The following SYNE2 variants were observed in gnomAD, a reference collection of about 807,000 sequenced individuals.
SYNE2 encodes nesprin-2.
In SYNE2, 431 loss-of-function variants were observed where a neutral mutation model predicts 856.3. That is an observed-to-expected ratio of 0.50 (90% CI 0.47 to 0.55). SYNE2 has a LOEUF of 0.55. Among genes scored for constraint, SYNE2 ranks in the 20% least tolerant of loss-of-function variants. The probability of loss-of-function intolerance (pLI) is 0.00; values close to 1 mark genes in which losing one functional copy is unlikely to be tolerated. For missense variants in SYNE2, 8,129 were observed against 8,023.2 expected (o/e 1.01, Z -0.50); for synonymous variants, 2,923 against 2,872.3 (o/e 1.02, Z -0.56).
At chr14:64,150,109 T>C (rs1417428541) in intron 84 of SYNE2, among the ~76,000 whole-genome samples, 3 of 144,390 alleles carry the variant, frequency 2.1e-5, no homozygotes, top group African/African-American at 7.7e-5. Context: ...GCTCCTAGGC[T>C]TAAGAGATCC....
chr14:63,940,731 C>A, intron 3 of SYNE2, 56 bp downstream of exon 3: 1 of 1,531,034 alleles, frequency 6.5e-7, no homozygotes, highest in Non-Finnish European at 9.0e-7. Context: ...CCCCCTACTC[C>A]TTCTGTTTTG....
At chr14:64,141,737 G>A (rs1053343448) in intron 81 of SYNE2, among the ~76,000 whole-genome samples, 1 of 151,956 alleles carries the variant, frequency 6.6e-6, no homozygotes, top group Non-Finnish European at 1.5e-5. Flanking sequence ...GTTTATCTTT[G>A]CCACTGTGTT....
At chr14:63,814,996 C>G (rs1472238222) in intron 1 of SYNE2, among the ~76,000 whole-genome samples, 5 of 96,746 alleles carry the variant, frequency 5.2e-5, no homozygotes, top group African/African-American at 1.7e-4. Context: ...ATATATACAT[C>G]CATATATATC....
chr14:64,005,841 CAA>C (rs1567032032), intron 30 of SYNE2, among the ~76,000 whole-genome samples: 1 of 152,044 alleles, frequency 6.6e-6, no homozygotes, highest in African/African-American at 2.4e-5. Flanking sequence ...TTTAGATAAA[CAA>C]GAGAAGAGGT....
chr14:64,126,753 T>G lies in SYNE2; in HGVS notation c.13863T>G (p.Ala4621=), dbSNP rs771662468. 6.2e-7 allele frequency: 1 copy of G among 1,614,138 alleles called. No homozygotes were observed. The highest frequency in any genetic ancestry group is 2.2e-5 in the East Asian group (1 of 44,886). The change falls in exon 73 of 116, where the codon GCT becomes GCG. Residue 4621 remains alanine, a synonymous_variant. Coordinates refer to ENST00000555002, the MANE Select transcript of SYNE2 (RefSeq NM_182914.3). ...QVCLEHTQAA[A]VCRSKSLKAG... is the part of the protein sequence containing the mutation. ...GCCTGGAGCACACTCAGGCTGCAGC[T>G]GTCTGTAGAAGCAAGTCCCTGAAAG...
At chr14:63,905,115 T>C (rs754246072) in intron 1 of SYNE2, among the ~76,000 whole-genome samples, 26 of 152,182 alleles carry the variant, frequency 1.7e-4, no homozygotes, top group Non-Finnish European at 2.5e-4. Context: ...TATCAGATGG[T>C]TGGAAATGTG....
At chr14:64,189,900 T>C (rs1299600146) in intron 98 of SYNE2, among the ~76,000 whole-genome samples, 171 bp from the exon 99 acceptor site, 1 of 151,940 alleles carries the variant, frequency 6.6e-6, no homozygotes, top group African/African-American at 2.4e-5. Flanking sequence ...TGGACTAGAG[T>C]GATCCTCTTG....
chr14:64,002,610 A>G, intron 29 of SYNE2, 110 bp from the exon 30 acceptor site: 1 of 1,278,350 alleles, frequency 7.8e-7, no homozygotes, highest in Non-Finnish European at 1.1e-6. Flanking sequence ...TGTTAAACTC[A>G]AAAGCATTTT....
intron 85 of SYNE2, among the ~76,000 whole-genome samples, chr14:64,153,528 A>G (rs1445089101): frequency 1.3e-5 from 2 of 152,246 alleles, no homozygotes; most frequent in Non-Finnish European, 1.5e-5. Context: ...AATAACCTGC[A>G]TGAAATCCAT....
At chr14:63,838,747 G>A (rs1014279210) in intron 1 of SYNE2, among the ~76,000 whole-genome samples, 1 of 152,086 alleles carries the variant, frequency 6.6e-6, no homozygotes, top group Non-Finnish European at 1.5e-5. Flanking sequence ...GGGCTCAAGT[G>A]ATCCTCTCTC....
chr14:63,915,412 A>T (rs1469377144), intron 2 of SYNE2, among the ~76,000 whole-genome samples: 1 of 152,244 alleles, frequency 6.6e-6, no homozygotes, highest in Non-Finnish European at 1.5e-5. Flanking sequence ...CATAAAGGAC[A>T]TATGAATTTC....
chr14:63,934,168 C>T (rs1479689766), intron 2 of SYNE2, among the ~76,000 whole-genome samples: 1 of 152,128 alleles, frequency 6.6e-6, no homozygotes, highest in Non-Finnish European at 1.5e-5. Context: ...AGTTTAAAAG[C>T]CATGCAGATT....
intron 1 of SYNE2, among the ~76,000 whole-genome samples, chr14:63,775,880 C>T (rs1887090423): frequency 2.0e-5 from 3 of 152,128 alleles, no homozygotes; most frequent in South Asian, 4.1e-4. Flanking sequence ...TAGGCTTCTT[C>T]TCAGTTAACA....
rs2098170014 is a variant in SYNE2 at position 64,144,996 on chromosome 14, G to A, written c.15483+1048G>A. Among the ~76,000 whole-genome samples, 6 of 147,464 alleles carry A rather than the reference G, an allele frequency of 4.1e-5. No homozygotes were observed. In the South Asian group the frequency reaches 6.5e-4, roughly 16 times the overall value. ...GGCTGGAGTGCAGTGGCGCGATCTC[G>A]GCTCACTGCAACTTCCACCTCCCAG... On this transcript the variant is annotated intron_variant, in intron 83 of 115. Transcript: ENST00000555002.
intron 78 of SYNE2, among the ~76,000 whole-genome samples, chr14:64,136,365 G>A (rs1567417674): frequency 1.3e-5 from 2 of 148,648 alleles, no homozygotes. Flanking sequence ...GAAGAATCTA[G>A]CACTTCACTT....
intron 93 of SYNE2, 115 bp from the exon 94 acceptor site, chr14:64,170,112 AT>A (rs200506379): frequency 1.3e-5 from 13 of 1,018,310 alleles, no homozygotes; most frequent in Non-Finnish European, 1.8e-5. Context: ...AGAAGTTGGG[AT>A]TTTTTTCATG....
At chr14:63,881,576 T>C (rs1163153753) in intron 1 of SYNE2, among the ~76,000 whole-genome samples, 2 of 149,254 alleles carry the variant, frequency 1.3e-5, no homozygotes, top group African/African-American at 4.9e-5. Context: ...TATATACTTA[T>C]ATATTTATGG....
chr14:63,979,868 T>G (rs952344624), intron 14 of SYNE2, among the ~76,000 whole-genome samples: 3 of 151,978 alleles, frequency 2.0e-5, no homozygotes, highest in African/African-American at 7.3e-5. Context: ...GGCACTGCAC[T>G]GCACTCCAGC....
At chr14:64,220,749 G>T in intron 111 of SYNE2, 112 bp downstream of exon 111, 1 of 1,268,868 alleles carries the variant, frequency 7.9e-7, no homozygotes, top group Non-Finnish European at 1.1e-6. Context: ...AATGTGGCTG[G>T]TGTCAGGAAA....
Sources: gnomAD v4.1 joint callset for allele counts (sites outside exome capture counted in the v4.1 genomes callset) on GRCh38, gnomAD v4.1.1 for gene constraint, MANE v1.5 for transcripts, NCBI Gene and HGNC (gene_info 2026-07-23, HGNC 2026-07-21) for gene names.